Variants in NGF observed in about 807,000 individuals in gnomAD.
The protein encoded by NGF is nerve growth factor, also known as beta-nerve growth factor.
In NGF, 4 loss-of-function variants were observed where a neutral mutation model predicts 12.8. The ratio of observed to expected loss-of-function variants is 0.31; its 90% CI spans 0.15 to 0.72. NGF has a LOEUF of 0.72. NGF is among the 30% of genes least tolerant of loss of function. The probability of loss-of-function intolerance (pLI) is 0.69; values close to 1 mark genes in which losing one functional copy is unlikely to be tolerated. For synonymous variants in NGF, 140 were observed against 130.0 expected (o/e 1.08, Z -0.52); for missense variants, 283 against 330.8 (o/e 0.86, Z 1.12).
chr1:115,333,655 CTCTT>C (rs368041850), intron 1 of NGF, among the ~76,000 whole-genome samples: 12,529 of 134,582 alleles, frequency 0.093, 1,010 homozygotes, highest in Non-Finnish European at 0.14. Context: ...TTCTTTCTTT[CTCTT>C]TCTTTCTTTC....
At chr1:115,308,556 T>G (rs535041911) in intron 1 of NGF, among the ~76,000 whole-genome samples, 1 of 152,018 alleles carries the variant, frequency 6.6e-6, no homozygotes, top group South Asian at 2.1e-4. Context: ...GATATTCAAC[T>G]AAAAAAAATG....
chr1:115,309,739 A>T (rs563420966), intron 1 of NGF, among the ~76,000 whole-genome samples: 26 of 152,350 alleles, frequency 1.7e-4, no homozygotes, highest in African/African-American at 6.0e-4. Context: ...ATAAAAAAGG[A>T]TGAGTTCATG....
At chr1:115,336,261 A>C (rs1655106090) in intron 1 of NGF, among the ~76,000 whole-genome samples, 3 of 152,328 alleles carry the variant, frequency 2.0e-5, no homozygotes, top group Admixed American at 2.0e-4. Flanking sequence ...TGGTGCCAGC[A>C]GCTGGTTCTA....
At chr1:115,332,516 TA>T (rs11302114) in intron 1 of NGF, among the ~76,000 whole-genome samples, 58,761 of 151,220 alleles carry the variant, frequency 0.39, 13,491 homozygotes, top group African/African-American at 0.62. Flanking sequence ...TACCTGAAAT[TA>T]AAAAAAAACA....
intron 1 of NGF, among the ~76,000 whole-genome samples, chr1:115,329,845 G>A (rs533316185): frequency 4.0e-4 from 60 of 150,394 alleles, no homozygotes; most frequent in African/African-American, 1.4e-3. Context: ...AACCTTCTGG[G>A]CTCAAGTGAT....
chr1:115,313,551 A>T (rs1654392940), intron 1 of NGF, among the ~76,000 whole-genome samples: 1 of 152,260 alleles, frequency 6.6e-6, no homozygotes, highest in African/African-American at 2.4e-5. Context: ...AATACTCATC[A>T]TAGTAAGTTT....
chr1:115,289,148 C>T (rs573393039), intron 2 of NGF, among the ~76,000 whole-genome samples: 7 of 152,284 alleles, frequency 4.6e-5, no homozygotes, highest in South Asian at 2.1e-4. Flanking sequence ...GATAAATGTC[C>T]GGTCAACTCT....
chr1:115,286,513 G>T lies in NGF; in HGVS notation c.283C>A (p.Arg95Ser), dbSNP rs771270154. The T allele has an allele frequency of 5.0e-6, 8 of 1,614,042 alleles. No homozygotes were observed. The highest frequency in any genetic ancestry group is 2.2e-5 in the South Asian group (2 of 91,072). The change falls in exon 3 of 3, where the codon CGT (arginine) becomes AGT (serine). Residue 95 changes from arginine (R) to serine (S), a missense_variant. Around this residue, in one of 2 missense-constraint regions of NGF, gnomAD observed 151 missense variants for 141.6 expected, o/e 1.07. Coordinates refer to ENST00000369512, the MANE Select transcript of NGF (RefSeq NM_002506.3). ...AGATCCTGAGTGTCTGCAGCTTCAC[G>T]GGGAGGCTGGGTGCTAAACAGCACA... ...PRVLFSTQPP[R>S]EAADTQDLDF... is the part of the protein sequence containing the mutation.
intron 1 of NGF, among the ~76,000 whole-genome samples, chr1:115,311,392 A>G (rs1229958528): frequency 1.3e-5 from 2 of 152,162 alleles, no homozygotes; most frequent in Non-Finnish European, 2.9e-5. Context: ...CAGTAAACAG[A>G]CAGCACCTCT....
chr1:115,333,408 T>G (rs1397850085), intron 1 of NGF, among the ~76,000 whole-genome samples: 1 of 146,908 alleles, frequency 6.8e-6, no homozygotes, highest in Non-Finnish European at 1.5e-5. Context: ...CCACAGGCGG[T>G]GCCAAAAGTG....
intron 1 of NGF, among the ~76,000 whole-genome samples, chr1:115,306,290 A>G (rs895954358): frequency 6.6e-6 from 1 of 152,246 alleles, no homozygotes; most frequent in African/African-American, 2.4e-5. Context: ...ATGAACATTC[A>G]GAAGTGGATT....
chr1:115,322,748 A>G (rs1299958493), intron 1 of NGF, among the ~76,000 whole-genome samples: 5 of 152,158 alleles, frequency 3.3e-5, no homozygotes, highest in Non-Finnish European at 7.4e-5. Context: ...CCCATTTTGC[A>G]GCTGGCTTAA....
intron 2 of NGF, among the ~76,000 whole-genome samples, chr1:115,293,305 A>T (rs1384621013): frequency 6.6e-6 from 1 of 152,190 alleles, no homozygotes; most frequent in Non-Finnish European, 1.5e-5. Flanking sequence ...TTCCCTGCTC[A>T]GTCGGACCAG....
intron 1 of NGF, among the ~76,000 whole-genome samples, chr1:115,301,658 T>C (rs779133959): frequency 1.3e-5 from 2 of 152,186 alleles, no homozygotes; most frequent in African/African-American, 2.4e-5. Context: ...AACTGAGCAA[T>C]TGTAGAACGC....
At chr1:115,330,416 A>G (rs955147989) in intron 1 of NGF, among the ~76,000 whole-genome samples, 1 of 152,228 alleles carries the variant, frequency 6.6e-6, no homozygotes, top group East Asian at 1.9e-4. Context: ...CTGAAAGGCT[A>G]CACACAGTCG....
intron 1 of NGF, among the ~76,000 whole-genome samples, chr1:115,330,842 C>T (rs533188951): frequency 3.9e-5 from 6 of 152,148 alleles, no homozygotes; most frequent in East Asian, 1.9e-4. Flanking sequence ...AAATATTTGC[C>T]GTGCGTGTCT....
chr1:115,334,115 C>T (rs960923555), intron 1 of NGF, among the ~76,000 whole-genome samples: 7 of 152,096 alleles, frequency 4.6e-5, no homozygotes, highest in Admixed American at 1.3e-4. Context: ...CACCATCCCT[C>T]GAGTGTAGTG....
In NGF at chr1:115,286,893, C is replaced by A. The variant is rs1450349559; in HGVS notation, c.-12-86G>T. Reference sequence around the variant, plus strand: ...TTCTGGGTCCCTCAGAGTTGACCTCCCAAGGGGATCACGAAGAGGTTTCAT... The same window carrying A: ...TTCTGGGTCCCTCAGAGTTGACCTCACAAGGGGATCACGAAGAGGTTTCAT... On this transcript the variant is annotated intron_variant, in intron 2 of 2. Coordinates refer to ENST00000369512, the MANE Select transcript of NGF (RefSeq NM_002506.3). 12 of 1,507,578 alleles carry A rather than the reference C, an allele frequency of 8.0e-6. No homozygotes were observed. The East Asian group carries it at 2.3e-4, about 28-fold the overall frequency. The allele number at this position is 1,507,578 out of a possible 1,614,324, so 93.4% of individuals were successfully genotyped here. A position where few individuals can be genotyped will look rare whatever the true frequency, so the allele number is the denominator to read the frequency against.
intron 2 of NGF, among the ~76,000 whole-genome samples, chr1:115,292,290 G>A (rs1350430578): frequency 1.3e-5 from 2 of 152,136 alleles, no homozygotes; most frequent in African/African-American, 4.8e-5. Context: ...TTTATTGGGA[G>A]GAGGCATGGC....
Sources: allele counts gnomAD v4.1 joint callset (sites outside exome capture counted in the v4.1 genomes callset), GRCh38; gene constraint gnomAD v4.1.1; regional missense constraint gnomAD v4.1.1; transcripts MANE v1.5; gene names NCBI Gene and HGNC (gene_info 2026-07-23, HGNC 2026-07-21).